Variants in DENND1B observed in about 807,000 individuals in gnomAD.
DENND1B encodes the protein DENN domain containing 1B.
Under a neutral mutation model 90.1 loss-of-function variants are expected in DENND1B, and 59 were observed. That is an observed-to-expected ratio of 0.65 (90% CI 0.53 to 0.81). DENND1B has a LOEUF of 0.81. Ranked by LOEUF, DENND1B falls within the 40% of genes least tolerant of loss-of-function variation. DENND1B has a pLI of 0.00. For missense variants in DENND1B, 862 were observed against 912.6 expected, an observed-to-expected ratio of 0.94 and a Z score of 0.71; for synonymous variants, 337 against 324.6, an observed-to-expected ratio of 1.04 and a Z score of -0.41.
chr1:197,680,709 T>G (rs928420244), intron 3 of DENND1B, among the ~76,000 whole-genome samples: 4 of 152,160 alleles, frequency 2.6e-5, no homozygotes, highest in African/African-American at 7.2e-5. Context: ...TAGATGGATA[T>G]TCACATGTAC....
At chr1:197,775,016 C>A (rs933663350) in intron 1 of DENND1B, 123 bp downstream of exon 1, 1 of 608,680 alleles carries the variant, frequency 1.6e-6, no homozygotes, top group Admixed American at 4.9e-5. Context: ...ACCCCCAGCC[C>A]GCCCGGCCAA....
chr1:197,599,181 G>T (rs1481308169), intron 13 of DENND1B, among the ~76,000 whole-genome samples: 2 of 151,800 alleles, frequency 1.3e-5, no homozygotes, highest in African/African-American at 4.8e-5. Flanking sequence ...TGTGCACTCA[G>T]TCTAAGTAAT....
At chr1:197,538,390 G>T (rs1478195033) in intron 20 of DENND1B, among the ~76,000 whole-genome samples, 1 of 152,106 alleles carries the variant, frequency 6.6e-6, no homozygotes, top group Non-Finnish European at 1.5e-5. Flanking sequence ...GCAGTAACAA[G>T]AAAAGGTTTC....
intron 20 of DENND1B, among the ~76,000 whole-genome samples, chr1:197,520,413 T>C (rs1668691258): frequency 6.6e-6 from 1 of 151,974 alleles, no homozygotes. Context: ...TAGATGAAAA[T>C]CTTACATTAA....
chr1:197,753,150 T>G (rs912047178), intron 2 of DENND1B, among the ~76,000 whole-genome samples: 1 of 152,068 alleles, frequency 6.6e-6, no homozygotes, highest in East Asian at 1.9e-4. Flanking sequence ...ATTGGAAAAA[T>G]ATCAATATGC....
intron 14 of DENND1B, among the ~76,000 whole-genome samples, chr1:197,590,790 T>C (rs1290039455): frequency 2.6e-5 from 4 of 152,166 alleles, no homozygotes; most frequent in African/African-American, 9.7e-5. Flanking sequence ...CCTAAGGTCT[T>C]TGAGATTTGA....
chr1:197,724,178 A>T (rs1571507773), intron 2 of DENND1B, among the ~76,000 whole-genome samples: 2 of 152,156 alleles, frequency 1.3e-5, no homozygotes, highest in African/African-American at 2.4e-5. Context: ...ATAGAATCAT[A>T]CTAACTACAA....
chr1:197,511,615 T>C (rs1305350003), intron 22 of DENND1B, 113 bp downstream of exon 22: 4 of 648,316 alleles, frequency 6.2e-6, no homozygotes, highest in Non-Finnish European at 9.4e-6. Flanking sequence ...GTTTTGACCC[T>C]TACCTACTTA....
chr1:197,652,243 A>G lies in DENND1B; in HGVS notation c.439T>C (p.Leu147=). 1 of 1,609,822 alleles carries G rather than the reference A, an allele frequency of 6.2e-7. No individual in the cohort carries two copies. The highest frequency in any genetic ancestry group is 8.5e-7 in the Non-Finnish European group (1 of 1,178,534). The change falls in exon 7 of 23, where the codon TTG becomes CTG. Residue 147 remains leucine (L), a synonymous_variant. Coordinates refer to ENST00000620048, the MANE Select transcript of DENND1B (RefSeq NM_001195215.2). The stretch of plus-strand genomic sequence containing the variant: ...ACTGATTGAATACTTACCACACTCA[A>G]ATTTACAGGAGTATTTGCCTTTGGT... ...PVPKANTPVN[L]SVNQEIFIAC...
At chr1:197,719,070 A>C (rs1183568851) in intron 2 of DENND1B, among the ~76,000 whole-genome samples, 1 of 152,082 alleles carries the variant, frequency 6.6e-6, no homozygotes, top group South Asian at 2.1e-4. Flanking sequence ...ATTAAAAGAC[A>C]TAACACCACA....
chr1:197,695,870 A>G (rs1365565339), intron 3 of DENND1B, among the ~76,000 whole-genome samples: 3 of 151,358 alleles, frequency 2.0e-5, no homozygotes, highest in African/African-American at 7.2e-5. Flanking sequence ...AAGCAAAATT[A>G]TAGAATACTC....
chr1:197,603,689 T>C (rs1676410456), intron 13 of DENND1B, among the ~76,000 whole-genome samples: 4 of 151,276 alleles, frequency 2.6e-5, no homozygotes, highest in African/African-American at 9.7e-5. Flanking sequence ...GCTTAATTCC[T>C]AGTAAGAGAG....
chr1:197,723,416 C>T (rs1287381281), intron 2 of DENND1B, among the ~76,000 whole-genome samples: 2 of 152,000 alleles, frequency 1.3e-5, no homozygotes, highest in Non-Finnish European at 2.9e-5. Context: ...GGCCATCTGT[C>T]CCAAGGGCCC....
At chr1:197,523,070 C>T (rs1470287306) in intron 20 of DENND1B, among the ~76,000 whole-genome samples, 1 of 151,990 alleles carries the variant, frequency 6.6e-6, no homozygotes, top group African/African-American at 2.4e-5. Flanking sequence ...GGGAGCAGTA[C>T]AGGAGACTGA....
chr1:197,733,376 T>C (rs1662326775), intron 2 of DENND1B, among the ~76,000 whole-genome samples: 1 of 152,234 alleles, frequency 6.6e-6, no homozygotes, highest in Non-Finnish European at 1.5e-5. Context: ...CAAACCTTGA[T>C]GAATGTTTCT....
intron 3 of DENND1B, among the ~76,000 whole-genome samples, chr1:197,684,170 T>A (rs1656990800): frequency 6.6e-6 from 1 of 152,206 alleles, no homozygotes; most frequent in African/African-American, 2.4e-5. Flanking sequence ...AAATGCTTAC[T>A]CTGTGCCAAG....
intron 21 of DENND1B, 86 bp from the exon 22 acceptor site, chr1:197,512,030 TGA>T: frequency 2.0e-6 from 2 of 990,488 alleles, no homozygotes; most frequent in Non-Finnish European, 2.9e-6. Flanking sequence ...ATTACATTAA[TGA>T]GAGAGTTAAC....
intron 3 of DENND1B, among the ~76,000 whole-genome samples, chr1:197,706,808 C>T (rs1326439463): frequency 6.6e-6 from 1 of 152,092 alleles, no homozygotes; most frequent in Admixed American, 6.6e-5. Context: ...GAAAGGGGAA[C>T]TCCACACACT....
At chr1:197,718,457 AT>A (rs914669614) in intron 2 of DENND1B, among the ~76,000 whole-genome samples, 5 of 151,786 alleles carry the variant, frequency 3.3e-5, no homozygotes, top group African/African-American at 1.2e-4. Flanking sequence ...AAAATGTGTA[AT>A]TTTTTGGTAA....
Sources: gnomAD v4.1 joint callset for allele counts (sites outside exome capture counted in the v4.1 genomes callset) on GRCh38, gnomAD v4.1.1 for gene constraint, MANE v1.5 for transcripts, NCBI Gene and HGNC (gene_info 2026-07-23, HGNC 2026-07-21) for gene names.